TAFA5: variants seen among roughly 807,000 people sequenced by gnomAD.
TAFA5 encodes chemokine-like protein TAFA-5.
In TAFA5, 6 loss-of-function variants were observed where a neutral mutation model predicts 15.3. The ratio of observed to expected loss-of-function variants is 0.39; its 90% CI spans 0.21 to 0.77. The LOEUF (loss-of-function observed/expected upper bound fraction) is 0.77. Ranked by LOEUF, TAFA5 falls within the 30% of genes least tolerant of loss-of-function variation. The pLI is 0.41. For missense variants in TAFA5, 161 were observed against 193.1 expected, an observed-to-expected ratio of 0.83 and a Z score of 0.98; for synonymous variants, 103 against 80.7, an observed-to-expected ratio of 1.28 and a Z score of -1.48.
chr22:48,627,947 G>A (rs1448307060), intron 1 of TAFA5, among the ~76,000 whole-genome samples: 1 of 152,244 alleles, frequency 6.6e-6, no homozygotes, highest in Non-Finnish European at 1.5e-5. Context: ...GCAGGTGTGT[G>A]CACTTACCTT....
At chr22:48,695,969 A>C (rs1050110795) in intron 2 of TAFA5, among the ~76,000 whole-genome samples, 7 of 152,146 alleles carry the variant, frequency 4.6e-5, no homozygotes, top group Admixed American at 3.9e-4. Flanking sequence ...GAGGGTCAGC[A>C]CTCGAGAGCA....
intron 2 of TAFA5, among the ~76,000 whole-genome samples, chr22:48,661,350 CAGA>C (rs1187388066): frequency 6.6e-6 from 1 of 152,212 alleles, no homozygotes; most frequent in Non-Finnish European, 1.5e-5. Context: ...CCCACGTTTA[CAGA>C]AGAAGGCTGG....
rs566473040 is a variant in TAFA5, at chr22:48,504,069, C to A, written c.112+14365C>A. 2.6e-5 allele frequency among the ~76,000 whole-genome samples: 4 copies of A among 152,360 alleles called. No homozygotes were observed. In the East Asian group the frequency reaches 7.7e-4, roughly 29 times the overall value. On this transcript the variant is annotated intron_variant, in intron 1 of 3. Coordinates refer to ENST00000402357, the MANE Select transcript of TAFA5 (RefSeq NM_001082967.3). Reference sequence around the variant, plus strand: ...ACACCCAGTTGCTCACTCTTCATTTCTGGTACCAGCGATCGAGTGGGCACT... The same window carrying A: ...ACACCCAGTTGCTCACTCTTCATTTATGGTACCAGCGATCGAGTGGGCACT...
chr22:48,590,539 G>T (rs554532309), intron 1 of TAFA5, among the ~76,000 whole-genome samples: 2 of 152,292 alleles, frequency 1.3e-5, no homozygotes, highest in Non-Finnish European at 2.9e-5. Context: ...CACTGTTGTG[G>T]CTTCTCGAGC....
At chr22:48,691,972 G>A (rs1460415386) in intron 2 of TAFA5, among the ~76,000 whole-genome samples, 9 of 152,130 alleles carry the variant, frequency 5.9e-5, no homozygotes, top group South Asian at 2.1e-4. Flanking sequence ...GGGCTGAGTC[G>A]TCCTCCAAAG....
At chr22:48,735,028 A>G (rs1929969702) in intron 3 of TAFA5, among the ~76,000 whole-genome samples, 1 of 152,258 alleles carries the variant, frequency 6.6e-6, no homozygotes, top group African/African-American at 2.4e-5. Flanking sequence ...GAAATCCATG[A>G]TGACAGCAAA....
chr22:48,707,644 C>T lies in TAFA5; in HGVS notation c.263-73C>T. The T allele has an allele frequency of 3.2e-6, 5 of 1,549,390 alleles. No homozygotes were observed. In the South Asian group the frequency reaches 4.9e-5, roughly 15 times the overall value. Reference sequence around the variant, plus strand: ...GGGCCCCCCCAGCCAGTGCCAGGACCCAGGTGCCCTCAGCAACACCCTCAC... The same window carrying T: ...GGGCCCCCCCAGCCAGTGCCAGGACTCAGGTGCCCTCAGCAACACCCTCAC... On this transcript the variant is annotated intron_variant, in intron 2 of 3. Transcript: ENST00000402357.
chr22:48,696,087 T>C, intron 2 of TAFA5, among the ~76,000 whole-genome samples: 1 of 152,058 alleles, frequency 6.6e-6, no homozygotes, highest in Non-Finnish European at 1.5e-5. Context: ...GCATGTGAAA[T>C]CAGAGCTGTA....
intron 1 of TAFA5, among the ~76,000 whole-genome samples, chr22:48,537,447 A>G (rs1437512107): frequency 1.3e-5 from 2 of 152,202 alleles, no homozygotes; most frequent in Non-Finnish European, 2.9e-5. Context: ...GTGTGCCAGG[A>G]GGCATGTGGG....
chr22:48,748,996 A>G (rs1035723440), intron 3 of TAFA5, among the ~76,000 whole-genome samples: 3 of 152,146 alleles, frequency 2.0e-5, no homozygotes, highest in Admixed American at 6.5e-5. Context: ...GCCCAGGGAA[A>G]GGGTGAGTGT....
intron 1 of TAFA5, among the ~76,000 whole-genome samples, chr22:48,518,564 C>T (rs760330315): frequency 6.6e-6 from 1 of 152,174 alleles, no homozygotes; most frequent in Non-Finnish European, 1.5e-5. Context: ...TCGGAAAGAA[C>T]CCACAGTTCT....
At chr22:48,501,059 C>G (rs946322938) in intron 1 of TAFA5, among the ~76,000 whole-genome samples, 8 of 152,224 alleles carry the variant, frequency 5.3e-5, no homozygotes, top group African/African-American at 1.7e-4. Flanking sequence ...GCTTCTGGCC[C>G]TGCCTTCCTT....
chr22:48,609,141 T>A (rs1411075847), intron 1 of TAFA5, among the ~76,000 whole-genome samples: 1 of 152,160 alleles, frequency 6.6e-6, no homozygotes, highest in Admixed American at 6.5e-5. Context: ...TGGATGTGCG[T>A]AAACAGGTGG....
chr22:48,567,171 T>C (rs1923435490), intron 1 of TAFA5, among the ~76,000 whole-genome samples: 1 of 152,242 alleles, frequency 6.6e-6, no homozygotes, highest in Non-Finnish European at 1.5e-5. Flanking sequence ...ATGATTGTTT[T>C]TAAACAAAAA....
chr22:48,642,814 C>T (rs1436900523), intron 1 of TAFA5, among the ~76,000 whole-genome samples: 2 of 151,992 alleles, frequency 1.3e-5, no homozygotes, highest in East Asian at 3.9e-4. Flanking sequence ...TGTGTGTGCA[C>T]GTGTGTGGTG....
intron 1 of TAFA5, among the ~76,000 whole-genome samples, chr22:48,551,707 G>A (rs1288494678): frequency 6.6e-6 from 1 of 152,160 alleles, no homozygotes; most frequent in Non-Finnish European, 1.5e-5. Flanking sequence ...AGCAGTGATG[G>A]AAGCAGGTGC....
chr22:48,727,357 G>A (rs1266944518), intron 3 of TAFA5, among the ~76,000 whole-genome samples: 1 of 152,176 alleles, frequency 6.6e-6, no homozygotes, highest in Admixed American at 6.5e-5. Context: ...GCAGTGGCAG[G>A]CTGGAGTCAC....
At chr22:48,641,263 G>A (rs1926665954) in intron 1 of TAFA5, among the ~76,000 whole-genome samples, 3 of 152,150 alleles carry the variant, frequency 2.0e-5, no homozygotes, top group African/African-American at 7.2e-5. Context: ...ACAGAAGGGG[G>A]TCTCTGTGAA....
chr22:48,726,439 G>A (rs578210463), intron 3 of TAFA5, among the ~76,000 whole-genome samples: 34 of 152,246 alleles, frequency 2.2e-4, no homozygotes, highest in African/African-American at 6.5e-4. Flanking sequence ...CAATCCAGTC[G>A]TGGTAGTCTG....
Sources: gnomAD v4.1 joint callset for allele counts (sites outside exome capture counted in the v4.1 genomes callset) on GRCh38, gnomAD v4.1.1 for gene constraint, MANE v1.5 for transcripts, NCBI Gene and HGNC (gene_info 2026-07-23, HGNC 2026-07-21) for gene names.